Variants in MELTF observed in about 807,000 individuals in gnomAD.
MELTF encodes antigen p97 (melanoma associated) identified by monoclonal antibodies 133.2 and 96.5.
Under a neutral mutation model 83.7 loss-of-function variants are expected in MELTF, and 67 were observed. That is an observed-to-expected ratio of 0.80 (90% CI 0.66 to 0.98). The LOEUF (loss-of-function observed/expected upper bound fraction) is 0.98, where lower values mean the gene tolerates loss of function less well. Among genes scored for constraint, MELTF ranks in the 50% least tolerant of loss-of-function variants. The pLI, the probability that MELTF is intolerant of heterozygous loss-of-function variation, is 0.00. For synonymous variants in MELTF, 462 were observed against 447.6 expected, an observed-to-expected ratio of 1.03 and a Z score of -0.41; for missense variants, 1,002 against 1,035.6, an observed-to-expected ratio of 0.97 and a Z score of 0.44.
At chr3:197,016,044 C>T in intron 8 of MELTF, 145 bp downstream of exon 8, 3 of 688,280 alleles carry the variant, frequency 4.4e-6, no homozygotes, top group Non-Finnish European at 2.2e-6. Context: ...TCCCCAAAGC[C>T]CCAGGGGCAG....
At position 197,002,821 on chromosome 3, in the gene MELTF, C is replaced by G. The variant is rs1057467390; in HGVS notation, c.*551G>C. On this transcript the variant is annotated 3_prime_UTR_variant, in exon 16 of 16. Transcript: ENST00000296350. ...CACGGGCGGTCGGAGGAACTGGAGC[C>G]CCCACCCCGGACACGGTCCCGCGGG... 6.6e-6 allele frequency: 1 copy of G among 152,078 alleles called. No individual in the cohort carries two copies. Among genetic ancestry groups the G allele is most frequent in the Non-Finnish European group, 1.5e-5 (1 of 68,012 alleles). The allele number at this position is 152,078 out of a possible 1,614,324, so 9.4% of individuals were successfully genotyped here. A position where few individuals can be genotyped will look rare whatever the true frequency, so the allele number is the denominator to read the frequency against.
intron 3 of MELTF, chr3:197,025,458 A>G (rs1169311723): frequency 6.6e-6 from 1 of 152,144 alleles, no homozygotes; most frequent in African/African-American, 2.4e-5. Context: ...TGCCTGCTCT[A>G]TTTCAGTGGA....
intron 14 of MELTF, 50 bp from the exon 15 acceptor site, chr3:197,004,149 G>T: frequency 6.3e-7 from 1 of 1,578,900 alleles, no homozygotes; most frequent in Non-Finnish European, 8.7e-7. Flanking sequence ...CTCAGGCAGG[G>T]TCACCCGCCC....
intron 7 of MELTF, among the ~76,000 whole-genome samples, chr3:197,016,803 G>T (rs1051951593): frequency 4.9e-5 from 7 of 142,692 alleles, no homozygotes; most frequent in Non-Finnish European, 7.7e-5. Context: ...CGCTGGTTTT[G>T]TTACTTGGTT....
At chr3:197,020,665 G>T (rs1332025743) in intron 6 of MELTF, among the ~76,000 whole-genome samples, 3 of 148,506 alleles carry the variant, frequency 2.0e-5, no homozygotes, top group East Asian at 3.9e-4. Context: ...GTCTTTGTGG[G>T]TTTTTTTTTT....
In MELTF at chr3:197,009,609, G is replaced by A. The variant is rs1208943344; in HGVS notation, c.1525+9C>T. On this transcript the variant is annotated intron_variant, in intron 11 of 15. Coordinates refer to ENST00000296350, the MANE Select transcript of MELTF (RefSeq NM_005929.6). Reference sequence around the variant, plus strand: ...TCCCCAGTCTGCGTTCCTAAAAAGGGGGGGGTACCTGTGAGGACGTCACAG... The same window carrying A: ...TCCCCAGTCTGCGTTCCTAAAAAGGAGGGGGTACCTGTGAGGACGTCACAG... 9 of 1,596,866 alleles carry A rather than the reference G, an allele frequency of 5.6e-6. No homozygotes were observed. Among genetic ancestry groups the A allele is most frequent in the South Asian group, 5.5e-5 (5 of 90,770 alleles).
At chr3:197,018,226 C>T (rs1222188589) in intron 6 of MELTF, among the ~76,000 whole-genome samples, 1 of 152,154 alleles carries the variant, frequency 6.6e-6, no homozygotes, top group Non-Finnish European at 1.5e-5. Flanking sequence ...CGGCTCACTG[C>T]AACCTCCACC....
chr3:197,006,418 G>T lies in MELTF; in HGVS notation c.1938+131C>A, dbSNP rs1257131431. ...TCTGGAGGGATGTCCTTGCGTAAGT[G>T]AAAATCACAGAATTTCCCCCGGGCT... On this transcript the variant is annotated intron_variant, in intron 14 of 15. Transcript: ENST00000296350. This position sits in a 1 kb window ranked among gnomAD's most constrained non-coding sequence, Gnocchi z 5.4. 20 of 784,496 alleles carry T rather than the reference G, an allele frequency of 2.5e-5. No individual in the cohort carries two copies. Among genetic ancestry groups the T allele is most frequent in the Non-Finnish European group, 3.3e-5 (17 of 519,650 alleles). The allele number at this position is 784,496 out of a possible 1,614,324, so 48.6% of individuals were successfully genotyped here. A position where few individuals can be genotyped will look rare whatever the true frequency, so the allele number is the denominator to read the frequency against.
intron 9 of MELTF, among the ~76,000 whole-genome samples, chr3:197,014,383 GTTTTTTT>G (rs71623319): frequency 7.9e-5 from 8 of 101,058 alleles, no homozygotes; most frequent in South Asian, 6.8e-4. Context: ...AATAGGGAGA[GTTTTTTT>G]TTTTTTTTTT....
At position 197,003,342 on chromosome 3, in the gene MELTF, C is replaced by T; in HGVS notation, c.*30G>A. The T allele has an allele frequency of 9.4e-7, 1 of 1,058,676 alleles. No homozygotes were observed. The allele number at this position is 1,058,676 out of a possible 1,614,324, so 65.6% of individuals were successfully genotyped here. A position where few individuals can be genotyped will look rare whatever the true frequency, so the allele number is the denominator to read the frequency against. Reference sequence around the variant, plus strand: ...CCGCCGCGGAAACTCCCCGGGCGGGCATCGGAGCTCTGGGGCGGGGCGGCC... The same window carrying T: ...CCGCCGCGGAAACTCCCCGGGCGGGTATCGGAGCTCTGGGGCGGGGCGGCC... On this transcript the variant is annotated 3_prime_UTR_variant, in exon 16 of 16. Coordinates refer to ENST00000296350, the MANE Select transcript of MELTF (RefSeq NM_005929.6). The surrounding 1 kb of genome is among the most constrained non-coding windows in gnomAD (Gnocchi z 6.2).
rs371944729 is a variant in MELTF at position 197,008,872 on chromosome 3, T to C, written c.1619A>G (p.Gln540Arg). Residue 540 changes from glutamine to arginine, a missense_variant, in exon 12 of 16, where the codon CAG becomes CGG. Physicochemically the swap from Gln to Arg is conservative, Grantham distance 43 (BLOSUM62 1). Coordinates refer to ENST00000296350, the MANE Select transcript of MELTF (RefSeq NM_005929.6). This position sits in a 1 kb window ranked among gnomAD's most constrained non-coding sequence, Gnocchi z 5.4. The stretch of plus-strand genomic sequence containing the variant: ...GTTGCCCACACACTTGTTGCGGCCC[T>C]GCTCGTCCCCCACGCACAGTGCACA... ...SLCALCVGDEQGRNKCVGNSQ... is the reference protein window; with the variant it reads ...SLCALCVGDERGRNKCVGNSQ... 3.8e-5 allele frequency: 62 copies of C among 1,614,194 alleles called. No individual in the cohort carries two copies. The South Asian group carries it at 6.5e-4, about 17-fold the overall frequency.
chr3:197,023,137 C>A, intron 4 of MELTF, 24 bp from the exon 5 acceptor site: 1 of 1,612,692 alleles, frequency 6.2e-7, no homozygotes, highest in Non-Finnish European at 8.5e-7. Context: ...GTAGAGAGGT[C>A]ACTCAGCAGA....
At position 197,029,775 on chromosome 3, in the gene MELTF, T is replaced by G; in HGVS notation, c.-73A>C. The G allele has an allele frequency of 9.8e-7, 1 of 1,019,242 alleles. No individual in the cohort carries two copies. The highest frequency in any genetic ancestry group is 1.3e-6 in the Non-Finnish European group (1 of 794,922). The allele number at this position is 1,019,242 out of a possible 1,614,324, so 63.1% of individuals were successfully genotyped here. The stretch of plus-strand genomic sequence containing the variant: ...CGAGGAGGTCCGCAGCAGCCGGGCT[T>G]CCTCCCTGCTCCCCCTCGCGCTGGC... On this transcript the variant is annotated 5_prime_UTR_variant, in exon 1 of 16. Transcript: ENST00000296350. This position sits in a 1 kb window ranked among gnomAD's most constrained non-coding sequence, Gnocchi z 6.5.
Position 197,024,428 on chromosome 3 carries a change from A to C in MELTF, c.362T>G (p.Ile121Ser). The C allele has an allele frequency of 6.2e-7, 1 of 1,610,262 alleles. No individual in the cohort carries two copies. The highest frequency in any genetic ancestry group is 8.5e-7 in the Non-Finnish European group (1 of 1,177,712). ...GGACTTCACGCCTTTCAGGGTGTCA[A>C]TGGTCACATGGGAGCTCCTCCTGAC... Reference protein sequence around the residue: ...AVVRRSSHVTIDTLKGVKSCH... With the variant: ...AVVRRSSHVTSDTLKGVKSCH... The change falls in exon 4 of 16, where the codon ATT (isoleucine) becomes AGT (serine). Residue 121 changes from isoleucine (I) to serine (S), a missense_variant. Physicochemically the swap from Ile to Ser is moderately radical, Grantham distance 142 (BLOSUM62 -2). Transcript: ENST00000296350. The surrounding 1 kb of genome is among the most constrained non-coding windows in gnomAD (Gnocchi z 5.3).
At position 197,024,511 on chromosome 3, in the gene MELTF, G is replaced by A; in HGVS notation, c.305-26C>T. The A allele has an allele frequency of 6.5e-7, 1 of 1,547,658 alleles. No homozygotes were observed. Among genetic ancestry groups the A allele is most frequent in the Non-Finnish European group, 8.8e-7 (1 of 1,140,012 alleles). ...CTAGGAGGGGAGGGGAGTGGGTGAG[G>A]GCAGCAGGGAGAGGCCTCGAGAGAG... On this transcript the variant is annotated intron_variant, in intron 3 of 15. Coordinates refer to ENST00000296350, the MANE Select transcript of MELTF (RefSeq NM_005929.6). This position sits in a 1 kb window ranked among gnomAD's most constrained non-coding sequence, Gnocchi z 5.3.
Position 197,024,392 on chromosome 3 carries a change from C to G in MELTF, c.398G>C (p.Gly133Ala). The change falls in exon 4 of 16, where the codon GGC (glycine) becomes GCC (alanine). Residue 133 changes from glycine to alanine, a missense_variant. Transcript: ENST00000296350. The surrounding 1 kb of genome is among the most constrained non-coding windows in gnomAD (Gnocchi z 5.3). ...GTTCCAGCCCACTGTGCGATTGATG[C>G]CCGTGTGGCAGGACTTCACGCCTTT... ...TLKGVKSCHT[G>A]INRTVGWNVP... is the part of the protein sequence containing the mutation. 1 of 1,610,786 alleles carries G rather than the reference C, an allele frequency of 6.2e-7. No individual in the cohort carries two copies. The highest frequency in any genetic ancestry group is 8.5e-7 in the Non-Finnish European group (1 of 1,178,390).
rs1401818805 is a variant in MELTF, at chr3:197,026,770, A to T, written c.205-11T>A. On this transcript the variant is annotated splice_polypyrimidine_tract_variant and intron_variant, in intron 2 of 15. Transcript: ENST00000296350. ...GTCAGCCTCCTGGGCCTGCAAGGAAATGTGGCTCAGCCAAGCCTGGCCCAG... is the reference window on the plus strand; with the variant it reads ...GTCAGCCTCCTGGGCCTGCAAGGAATTGTGGCTCAGCCAAGCCTGGCCCAG... 1 of 1,609,998 alleles carries T rather than the reference A, an allele frequency of 6.2e-7. No homozygotes were observed. Among genetic ancestry groups the T allele is most frequent in the South Asian group, 1.1e-5 (1 of 91,076 alleles).
chr3:197,026,534 G>T, intron 3 of MELTF, 126 bp downstream of exon 3: 2 of 786,942 alleles, frequency 2.5e-6, no homozygotes, highest in Non-Finnish European at 4.3e-6. Context: ...CGTTCTTCTG[G>T]CTGGGACTCC....
At chr3:197,019,202 C>T in intron 6 of MELTF, 1 of 1,002,944 alleles carries the variant, frequency 1.0e-6, no homozygotes, top group Non-Finnish European at 1.2e-6. Context: ...TCCCAACTTT[C>T]CTGTTTTTCG....
Sources: allele counts gnomAD v4.1 joint callset (sites outside exome capture counted in the v4.1 genomes callset), GRCh38; gene constraint gnomAD v4.1.1; non-coding constraint Gnocchi (gnomAD v3.1); transcripts MANE v1.5; gene names NCBI Gene and HGNC (gene_info 2026-07-23, HGNC 2026-07-21).